Variants in FRAS1 observed in about 807,000 individuals in gnomAD.
The protein encoded by FRAS1 is Fraser extracellular matrix complex subunit 1.
A neutral mutation model predicts 435.2 loss-of-function variants in FRAS1; 290 were observed. That is an observed-to-expected ratio of 0.67 (90% CI 0.61 to 0.73). FRAS1 has a LOEUF of 0.73. Among genes scored for constraint, FRAS1 ranks in the 30% least tolerant of loss-of-function variants. The pLI, the probability that FRAS1 is intolerant of heterozygous loss-of-function variation, is 0.00. For synonymous variants in FRAS1, 1,800 were observed against 1,851.0 expected, an observed-to-expected ratio of 0.97 and a Z score of 0.71; for missense variants, 4,860 against 5,001.5, an observed-to-expected ratio of 0.97 and a Z score of 0.85.
At chr4:78,098,196 TCTC>T (rs1205703104) in intron 2 of FRAS1, among the ~76,000 whole-genome samples, 2 of 151,930 alleles carry the variant, frequency 1.3e-5, no homozygotes, top group African/African-American at 4.8e-5. Flanking sequence ...TCCCCATGTC[TCTC>T]CTCCCACTGT....
chr4:78,170,570 G>A (rs1282330241), intron 2 of FRAS1, among the ~76,000 whole-genome samples: 1 of 152,062 alleles, frequency 6.6e-6, no homozygotes, highest in Non-Finnish European at 1.5e-5. Context: ...ACAGTGCTTT[G>A]CATAGTAATT....
chr4:78,093,387 C>T (rs1741631964), intron 2 of FRAS1, among the ~76,000 whole-genome samples: 1 of 152,180 alleles, frequency 6.6e-6, no homozygotes, highest in South Asian at 2.1e-4. Context: ...AAGTGAATCT[C>T]TATTTTTACA....
At chr4:78,137,294 A>G (rs1048335155) in intron 2 of FRAS1, among the ~76,000 whole-genome samples, 4 of 152,216 alleles carry the variant, frequency 2.6e-5, no homozygotes, top group South Asian at 2.1e-4. Flanking sequence ...TGTTGGTTCC[A>G]GGGAATTATT....
chr4:78,091,490 A>G (rs887197042), intron 2 of FRAS1, among the ~76,000 whole-genome samples: 3 of 152,120 alleles, frequency 2.0e-5, no homozygotes, highest in Admixed American at 2.0e-4. Context: ...TCATTGCTCT[A>G]GGGTGGAATG....
intron 61 of FRAS1, among the ~76,000 whole-genome samples, chr4:78,506,612 C>T (rs1720852302): frequency 6.6e-6 from 1 of 152,186 alleles, no homozygotes; most frequent in Non-Finnish European, 1.5e-5. Context: ...GGGAAAAGTG[C>T]AGTATTTGGG....
intron 20 of FRAS1, among the ~76,000 whole-genome samples, chr4:78,363,001 T>G (rs891167945): frequency 6.6e-6 from 1 of 152,190 alleles, no homozygotes; most frequent in Non-Finnish European, 1.5e-5. Flanking sequence ...GTACTTACTT[T>G]GGACTTTTGG....
intron 9 of FRAS1, among the ~76,000 whole-genome samples, chr4:78,272,353 T>G (rs980768262): frequency 6.6e-6 from 1 of 152,372 alleles, no homozygotes; most frequent in African/African-American, 2.4e-5. Flanking sequence ...TTGTTGCCAT[T>G]GCTTTTGGTG....
intron 2 of FRAS1, among the ~76,000 whole-genome samples, chr4:78,227,011 A>G (rs930728337): frequency 1.3e-5 from 2 of 152,092 alleles, no homozygotes; most frequent in Admixed American, 6.5e-5. Flanking sequence ...TTTCCATTTA[A>G]TTGCGTTTGT....
intron 2 of FRAS1, among the ~76,000 whole-genome samples, chr4:78,188,776 A>G (rs1202427574): frequency 6.6e-6 from 1 of 152,132 alleles, no homozygotes; most frequent in Non-Finnish European, 1.5e-5. Context: ...AACATTCTGT[A>G]TTTTTCTAAT....
intron 20 of FRAS1, among the ~76,000 whole-genome samples, chr4:78,349,923 A>G (rs1578267784): frequency 3.3e-5 from 1 of 29,852 alleles, no homozygotes; most frequent in Non-Finnish European, 6.0e-5. Flanking sequence ...GACTAGGAAG[A>G]AACTGCATCA....
intron 22 of FRAS1, among the ~76,000 whole-genome samples, chr4:78,365,737 T>TAAAAAAAAA (rs531246410): frequency 7.6e-6 from 1 of 132,148 alleles, no homozygotes; most frequent in African/African-American, 3.0e-5. Flanking sequence ...TCTAGTACAT[T>TAAAAAAAAA]AAAAAAAAAA....
chr4:78,243,899 A>G (rs956808299), intron 3 of FRAS1, among the ~76,000 whole-genome samples: 7 of 152,164 alleles, frequency 4.6e-5, no homozygotes, highest in Non-Finnish European at 8.8e-5. Flanking sequence ...TTCAATCTGT[A>G]TGAAATTCTT....
At chr4:78,524,477 AT>A (rs1721473889) in intron 69 of FRAS1, among the ~76,000 whole-genome samples, 1 of 152,170 alleles carries the variant, frequency 6.6e-6, no homozygotes, top group African/African-American at 2.4e-5. Context: ...ATGTTGTGAT[AT>A]GGGAAATGCT....
At chr4:78,518,420 G>GTATATA (rs1282959069) in intron 66 of FRAS1, among the ~76,000 whole-genome samples, 3 of 65,708 alleles carry the variant, frequency 4.6e-5, no homozygotes, top group African/African-American at 2.1e-4. Context: ...TTTTTTTGTT[G>GTATATA]TGTATATATA....
chr4:78,405,927 T>A (rs1192539820), intron 30 of FRAS1, among the ~76,000 whole-genome samples: 1 of 152,220 alleles, frequency 6.6e-6, no homozygotes, highest in Non-Finnish European at 1.5e-5. Flanking sequence ...CTATAACACC[T>A]CTGTATTTTC....
chr4:78,128,420 T>C (rs1398800647), intron 2 of FRAS1, among the ~76,000 whole-genome samples: 3 of 152,186 alleles, frequency 2.0e-5, no homozygotes, highest in Non-Finnish European at 4.4e-5. Flanking sequence ...ACCTGTTGTT[T>C]CCTGACTTTT....
intron 20 of FRAS1, among the ~76,000 whole-genome samples, chr4:78,360,975 AAC>A (rs1459098676): frequency 6.6e-6 from 1 of 152,220 alleles, no homozygotes; most frequent in East Asian, 1.9e-4. Flanking sequence ...TAGACCACTG[AAC>A]ACCTGCAGAT....
At position 78,069,898 on chromosome 4, in the gene FRAS1, G is replaced by A. The variant is rs773157340; in HGVS notation, c.108+3882G>A. ...TAGTGGAAAAGAGAGTTCAAACCTGGTTCTTATTCTTAAGTCATTTGATCA... is the reference window on the plus strand; with the variant it reads ...TAGTGGAAAAGAGAGTTCAAACCTGATTCTTATTCTTAAGTCATTTGATCA... On this transcript the variant is annotated intron_variant, in intron 2 of 73. Transcript: ENST00000512123. Among the ~76,000 whole-genome samples the A allele has an allele frequency of 1.7e-4, 26 of 151,968 alleles. 1 individual carries two copies. Among genetic ancestry groups the A allele is most frequent in the Admixed American group, 1.0e-3 (16 of 15,264 alleles).
At position 78,499,766 on chromosome 4, in the gene FRAS1, C is replaced by G. The variant is rs754878371; in HGVS notation, c.9161C>G (p.Pro3054Arg). Residue 3054 changes from proline (P) to arginine (R), a missense_variant, in exon 61 of 74, where the codon CCC (proline) becomes CGC (arginine). Coordinates refer to ENST00000512123, the MANE Select transcript of FRAS1 (RefSeq NM_025074.7). ...FEEAAYQVRE[P>R]AGPDAIAILN... is the part of the protein sequence containing the mutation. Reference sequence around the variant, plus strand: ...GAAGCTGCATACCAAGTCCGGGAACCCGCAGGCCCAGATGCCATTGCGATT... The same window carrying G: ...GAAGCTGCATACCAAGTCCGGGAACGCGCAGGCCCAGATGCCATTGCGATT... 9 of 1,613,944 alleles carry G rather than the reference C, an allele frequency of 5.6e-6. No homozygotes were observed. The East Asian group carries it at 2.0e-4, about 36-fold the overall frequency.
Sources: allele counts gnomAD v4.1 joint callset (sites outside exome capture counted in the v4.1 genomes callset), GRCh38; gene constraint gnomAD v4.1.1; transcripts MANE v1.5; gene names NCBI Gene and HGNC (gene_info 2026-07-23, HGNC 2026-07-21).